The following KCNK2 variants were observed in gnomAD, a reference collection of about 807,000 sequenced individuals.
KCNK2 encodes potassium two pore domain channel subfamily K member 2, also known as potassium channel subfamily K member 2.
A neutral mutation model predicts 40.5 loss-of-function variants in KCNK2; 21 were observed. The ratio of observed to expected loss-of-function variants is 0.52; its 90% CI spans 0.37 to 0.75. KCNK2 has a LOEUF of 0.75. KCNK2 is among the 30% of genes least tolerant of loss of function. The pLI is 0.00. For missense variants in KCNK2, 399 were observed against 531.6 expected, an observed-to-expected ratio of 0.75 and a Z score of 2.45; for synonymous variants, 191 against 202.2, an observed-to-expected ratio of 0.94 and a Z score of 0.47.
At chr1:215,201,614 AAG>A (rs1665083406) in intron 6 of KCNK2, among the ~76,000 whole-genome samples, 1 of 152,196 alleles carries the variant, frequency 6.6e-6, no homozygotes, top group Non-Finnish European at 1.5e-5. Flanking sequence ...TTCATTCAAA[AAG>A]TGCTATTAAG....
chr1:215,142,619 G>C (rs1449967798), intron 3 of KCNK2, among the ~76,000 whole-genome samples: 1 of 152,054 alleles, frequency 6.6e-6, no homozygotes, highest in Non-Finnish European at 1.5e-5. Flanking sequence ...AGACAGTGAA[G>C]TTGGAGCCTC....
chr1:215,100,271 A>G (rs868741239), intron 2 of KCNK2, among the ~76,000 whole-genome samples: 1 of 152,120 alleles, frequency 6.6e-6, no homozygotes, highest in African/African-American at 2.4e-5. Context: ...ATGCCTAAAC[A>G]GATTTCCAAG....
intron 2 of KCNK2, among the ~76,000 whole-genome samples, chr1:215,095,905 G>A (rs562862152): frequency 1.3e-5 from 2 of 152,090 alleles, no homozygotes; most frequent in African/African-American, 2.4e-5. Context: ...ACACAAAAGG[G>A]CAAATAAAAT....
intron 4 of KCNK2, 55 bp from the exon 5 acceptor site, chr1:215,171,941 TC>T: frequency 1.0e-6 from 1 of 1,000,430 alleles, no homozygotes; most frequent in South Asian, 2.0e-5. Context: ...TCTCTCTCTC[TC>T]CCCCCATTTA....
intron 5 of KCNK2, among the ~76,000 whole-genome samples, chr1:215,189,985 A>T (rs1328323472): frequency 2.0e-5 from 3 of 152,202 alleles, no homozygotes; most frequent in African/African-American, 7.2e-5. Flanking sequence ...AAATGGAGTT[A>T]TATATCTATG....
At chr1:215,091,929 C>T (rs1038396435) in intron 2 of KCNK2, among the ~76,000 whole-genome samples, 1 of 152,092 alleles carries the variant, frequency 6.6e-6, no homozygotes, top group Admixed American at 6.6e-5. Context: ...AAGGTGATGT[C>T]AGGCAGGTAA....
chr1:215,172,943 C>T (rs919822808), intron 5 of KCNK2, among the ~76,000 whole-genome samples: 37 of 152,094 alleles, frequency 2.4e-4, no homozygotes, highest in East Asian at 3.9e-4. Flanking sequence ...CCACTACGCC[C>T]GGCCTAAGAA....
At chr1:215,039,770 G>A (rs936727009) in intron 1 of KCNK2, among the ~76,000 whole-genome samples, 9 of 151,964 alleles carry the variant, frequency 5.9e-5, no homozygotes, top group East Asian at 1.9e-4. Flanking sequence ...CTTTGCCATC[G>A]CATGCAATTT....
intron 3 of KCNK2, among the ~76,000 whole-genome samples, chr1:215,157,952 A>G (rs1272713123): frequency 2.0e-5 from 3 of 152,148 alleles, no homozygotes; most frequent in African/African-American, 7.2e-5. Flanking sequence ...GAACCACCTG[A>G]TTGGGTCACC....
intron 1 of KCNK2, among the ~76,000 whole-genome samples, chr1:215,006,496 G>A (rs1161234324): frequency 6.6e-6 from 1 of 152,102 alleles, no homozygotes; most frequent in African/African-American, 2.4e-5. Flanking sequence ...TAAGACCTAA[G>A]TTCTTTTTAC....
intron 3 of KCNK2, among the ~76,000 whole-genome samples, chr1:215,131,758 C>T (rs12239651): frequency 0.11 from 16,135 of 151,886 alleles, 2,839 homozygotes; most frequent in African/African-American, 0.36. Context: ...CTTAATTTTT[C>T]CTTAGAGCAA....
At chr1:215,128,246 G>A (rs959082705) in intron 3 of KCNK2, among the ~76,000 whole-genome samples, 1 of 152,190 alleles carries the variant, frequency 6.6e-6, no homozygotes, top group South Asian at 2.1e-4. Flanking sequence ...GAGGCTTGCA[G>A]GCATCGGGAG....
chr1:215,027,736 A>G (rs569396143), intron 1 of KCNK2, among the ~76,000 whole-genome samples: 55 of 152,310 alleles, frequency 3.6e-4, no homozygotes, highest in Middle Eastern at 3.4e-3. Flanking sequence ...GAAACTTTCC[A>G]TATTTTCTGT....
chr1:215,060,040 G>A (rs1365788780), intron 1 of KCNK2, among the ~76,000 whole-genome samples: 1 of 152,154 alleles, frequency 6.6e-6, no homozygotes, highest in African/African-American at 2.4e-5. Context: ...GTGACAGAAA[G>A]TAAAGGTACT....
chr1:215,201,318 A>T (rs2102673131), intron 6 of KCNK2, among the ~76,000 whole-genome samples: 1 of 152,302 alleles, frequency 6.6e-6, no homozygotes. Context: ...GAATAAAGTA[A>T]CTAGAATTCC....
At chr1:215,141,761 T>G (rs1023291131) in intron 3 of KCNK2, among the ~76,000 whole-genome samples, 1 of 152,114 alleles carries the variant, frequency 6.6e-6, no homozygotes, top group Admixed American at 6.6e-5. Context: ...CCTGAATTTC[T>G]TCTTTTATTA....
chr1:215,031,971 C>T (rs1571859085), intron 1 of KCNK2, among the ~76,000 whole-genome samples: 1 of 152,256 alleles, frequency 6.6e-6, no homozygotes, highest in South Asian at 2.1e-4. Context: ...CAAAATAATT[C>T]TAAATTTTCC....
At chr1:215,078,679 G>A (rs1434694543), upstream of KCNK2, among the ~76,000 whole-genome samples, 6 of 152,092 alleles carry the variant, frequency 3.9e-5, no homozygotes, top group Non-Finnish European at 8.8e-5. Flanking sequence ...ATATGGGTGG[G>A]GACACAGAGC....
In KCNK2 at chr1:215,183,503, G is replaced by A. The variant is rs1206384457; in HGVS notation, c.823+11320G>A. On this transcript the variant is annotated intron_variant, in intron 5 of 6. Transcript: ENST00000444842. Reference sequence around the variant, plus strand: ...ATATGTGTTATTTCAACTGCCATTTGCTTTATTGTTGTATCTGTAAGGTCC... The same window carrying A: ...ATATGTGTTATTTCAACTGCCATTTACTTTATTGTTGTATCTGTAAGGTCC... Among the ~76,000 whole-genome samples the A allele has an allele frequency of 2.0e-5, 3 of 152,106 alleles. No homozygotes were observed. The East Asian group carries it at 5.8e-4, about 29-fold the overall frequency.
Sources: allele counts gnomAD v4.1 joint callset (sites outside exome capture counted in the v4.1 genomes callset), GRCh38; gene constraint gnomAD v4.1.1; transcripts MANE v1.5; gene names NCBI Gene and HGNC (gene_info 2026-07-23, HGNC 2026-07-21).